ALCAM: variants seen among roughly 807,000 people sequenced by gnomAD.
The protein encoded by ALCAM is activated leukocyte cell adhesion molecule.
A neutral mutation model predicts 70.9 loss-of-function variants in ALCAM; 30 were observed. The observed-to-expected ratio is 0.42, with a 90% confidence interval of 0.32 to 0.57. The LOEUF (loss-of-function observed/expected upper bound fraction) is 0.57, where lower values mean the gene tolerates loss of function less well. Among genes scored for constraint, ALCAM ranks in the 20% least tolerant of loss-of-function variants. ALCAM has a pLI of 0.11. For synonymous variants in ALCAM, 249 were observed against 242.5 expected (o/e 1.03, Z -0.25); for missense variants, 591 against 695.1 (o/e 0.85, Z 1.68).
intron 1 of ALCAM, among the ~76,000 whole-genome samples, chr3:105,484,930 C>T (rs1189994681): frequency 1.3e-5 from 2 of 151,982 alleles, no homozygotes; most frequent in East Asian, 1.9e-4. Context: ...AAATTAAAGT[C>T]TGGAAGAATT....
Position 105,371,525 on chromosome 3 carries a change from T to TC in ALCAM, c.73+4044_73+4045insC, listed in dbSNP as rs1935232089. ...ATAATGGAAAGATGTTTCTTTTTTT[T>TC]TTTCTCTTTTTTCTTTTTCTCCGTC... On this transcript the variant is annotated intron_variant, in intron 1 of 15. Coordinates refer to ENST00000306107, the MANE Select transcript of ALCAM (RefSeq NM_001627.4). Among the ~76,000 whole-genome samples, 4 of 146,606 alleles carry TC rather than the reference T, an allele frequency of 2.7e-5. No individual in the cohort carries two copies. In the Admixed American group the frequency reaches 2.9e-4, roughly 11 times the overall value.
chr3:105,422,860 A>T (rs1936702588), intron 1 of ALCAM, among the ~76,000 whole-genome samples: 1 of 151,480 alleles, frequency 6.6e-6, no homozygotes, highest in Non-Finnish European at 1.5e-5. Context: ...TACTCTGGGG[A>T]ATGACATAGT....
intron 1 of ALCAM, among the ~76,000 whole-genome samples, chr3:105,457,496 C>A (rs1342284035): frequency 6.6e-6 from 1 of 152,048 alleles, no homozygotes; most frequent in Non-Finnish European, 1.5e-5. Flanking sequence ...AACACACCTC[C>A]AGGACACAAG....
chr3:105,376,859 G>A (rs1309729360), intron 1 of ALCAM, among the ~76,000 whole-genome samples: 2 of 152,130 alleles, frequency 1.3e-5, no homozygotes, highest in Non-Finnish European at 2.9e-5. Flanking sequence ...TCTAACTCCT[G>A]GAGGTGAAAA....
chr3:105,428,806 TGCAA>T (rs1936858400), intron 1 of ALCAM, among the ~76,000 whole-genome samples: 1 of 151,970 alleles, frequency 6.6e-6, no homozygotes, highest in Non-Finnish European at 1.5e-5. Flanking sequence ...TGTGAGGACA[TGCAA>T]GAAAAACAAT....
At chr3:105,533,865 A>G (rs974556635) in intron 5 of ALCAM, among the ~76,000 whole-genome samples, 175 bp downstream of exon 5, 2 of 152,152 alleles carry the variant, frequency 1.3e-5, no homozygotes, top group Non-Finnish European at 2.9e-5. Context: ...GGTGATTCAC[A>G]GGCATTAGGT....
intron 1 of ALCAM, among the ~76,000 whole-genome samples, chr3:105,368,223 A>AAGAGAGAGAGAGGAGAGAGAGAGAGAGAG (rs1935123067): frequency 1.5e-5 from 1 of 67,832 alleles, no homozygotes; most frequent in Non-Finnish European, 2.8e-5. Context: ...TGAGTCTTGG[A>AAGAGAGAGAGAGGAGAGAGAGAGAGAGAG]AGAGAGAGAG....
At chr3:105,522,914 C>T (rs1176060407) in intron 2 of ALCAM, among the ~76,000 whole-genome samples, 1 of 151,906 alleles carries the variant, frequency 6.6e-6, no homozygotes, top group Admixed American at 6.6e-5. Flanking sequence ...CCGAGGCGGG[C>T]GGATCACGAG....
chr3:105,428,353 C>G (rs1035353536), intron 1 of ALCAM, among the ~76,000 whole-genome samples: 9 of 151,796 alleles, frequency 5.9e-5, no homozygotes, highest in African/African-American at 1.9e-4. Context: ...TAATTTTCAC[C>G]CTTATAGCCC....
intron 1 of ALCAM, among the ~76,000 whole-genome samples, chr3:105,468,081 C>T (rs1937800774): frequency 6.6e-6 from 1 of 151,186 alleles, no homozygotes. Flanking sequence ...ATTATAATAT[C>T]ATGTGCTAAT....
At position 105,505,178 on chromosome 3, in the gene ALCAM, G is replaced by A. The variant is rs540499214; in HGVS notation, c.74-14889G>A. 2.9e-4 allele frequency among the ~76,000 whole-genome samples: 44 copies of A among 152,242 alleles called. 1 individual carries two copies. The South Asian group carries it at 8.9e-3, about 31-fold the overall frequency. ...TTATATGTATATGTTGTATTAGACC[G>A]TCCTCTCATTGCTATAAAGAACTAC... On this transcript the variant is annotated intron_variant, in intron 1 of 15. Coordinates refer to ENST00000306107, the MANE Select transcript of ALCAM (RefSeq NM_001627.4).
intron 1 of ALCAM, among the ~76,000 whole-genome samples, chr3:105,392,294 T>C (rs895821515): frequency 1.4e-4 from 22 of 151,950 alleles, no homozygotes; most frequent in Admixed American, 1.2e-3. Context: ...CCTGGTTTAG[T>C]CTTGGGGTGG....
At chr3:105,424,521 A>G (rs1936743584) in intron 1 of ALCAM, among the ~76,000 whole-genome samples, 1 of 151,658 alleles carries the variant, frequency 6.6e-6, no homozygotes, top group Non-Finnish European at 1.5e-5. Flanking sequence ...ACCCCTCTTG[A>G]TTTTAGAGTT....
chr3:105,384,379 T>C (rs1559772441), intron 1 of ALCAM, among the ~76,000 whole-genome samples: 1 of 151,560 alleles, frequency 6.6e-6, no homozygotes, highest in Non-Finnish European at 1.5e-5. Flanking sequence ...GACAAAATAA[T>C]CTTAAATTCT....
intron 1 of ALCAM, among the ~76,000 whole-genome samples, chr3:105,428,228 G>C (rs11714277): frequency 1.5e-4 from 23 of 151,718 alleles, no homozygotes; most frequent in African/African-American, 5.3e-4. Context: ...GTTTTCCAGG[G>C]TTAAAATATC....
rs1197409424 is a variant in ALCAM, at chr3:105,432,594, G to A, written c.73+65113G>A. ...CCTCGGTTTCCTCATCTGTAAAAAGGAAGTAATCTGCCTGCCTCATATGGG... is the reference window on the plus strand; with the variant it reads ...CCTCGGTTTCCTCATCTGTAAAAAGAAAGTAATCTGCCTGCCTCATATGGG... On this transcript the variant is annotated intron_variant, in intron 1 of 15. Transcript: ENST00000306107. Among the ~76,000 whole-genome samples, 4 of 152,006 alleles carry A rather than the reference G, an allele frequency of 2.6e-5. No homozygotes were observed. The East Asian group carries it at 5.8e-4, about 22-fold the overall frequency.
intron 1 of ALCAM, among the ~76,000 whole-genome samples, chr3:105,398,939 T>A (rs1021115352): frequency 3.9e-5 from 6 of 151,980 alleles, no homozygotes; most frequent in Non-Finnish European, 8.8e-5. Flanking sequence ...TTTTTTTTAC[T>A]ACATTCACAC....
chr3:105,387,327 T>A (rs1229747867), intron 1 of ALCAM, among the ~76,000 whole-genome samples: 1 of 151,528 alleles, frequency 6.6e-6, no homozygotes, highest in Non-Finnish European at 1.5e-5. Context: ...TTTACTTTAC[T>A]TTTTTGTTGC....
chr3:105,520,216 A>G, intron 2 of ALCAM, 49 bp downstream of exon 2: 2 of 1,308,904 alleles, frequency 1.5e-6, no homozygotes, highest in South Asian at 1.2e-5. Flanking sequence ...GTTCTTTTAA[A>G]TAAAATTCTT....
Sources: allele counts gnomAD v4.1 joint callset (sites outside exome capture counted in the v4.1 genomes callset), GRCh38; gene constraint gnomAD v4.1.1; transcripts MANE v1.5; gene names NCBI Gene and HGNC (gene_info 2026-07-23, HGNC 2026-07-21).